DDX27: variants seen among roughly 807,000 people sequenced by gnomAD.
DDX27 encodes DEAD-box helicase 27.
In DDX27, 42 loss-of-function variants were observed where a neutral mutation model predicts 99.3. The ratio of observed to expected loss-of-function variants is 0.42; its 90% CI spans 0.33 to 0.55. The LOEUF is 0.55. DDX27 is among the 20% of genes least tolerant of loss of function. The pLI is 0.07. For missense variants in DDX27, 798 were observed against 976.8 expected (o/e 0.82, Z 2.44); for synonymous variants, 329 against 353.8 (o/e 0.93, Z 0.79).
At chr20:49,229,504 A>G (rs970129988) in intron 8 of DDX27, among the ~76,000 whole-genome samples, 15 of 152,240 alleles carry the variant, frequency 9.9e-5, no homozygotes, top group Middle Eastern at 3.4e-3. Context: ...CGTTTTTCCA[A>G]TGAAGTTATA....
At position 49,230,137 on chromosome 20, in the gene DDX27, G is replaced by A; in HGVS notation, c.881-62G>A. On this transcript the variant is annotated intron_variant, in intron 8 of 20. Transcript: ENST00000618172. ...GCCTGAGGCCTGGTGAGTGGCTGGT[G>A]CTCAGTCAACACCCATGAGCAGCTG... 3.9e-6 allele frequency: 6 copies of A among 1,533,712 alleles called. No individual in the cohort carries two copies. In the South Asian group the frequency reaches 7.5e-5, roughly 19 times the overall value.
In DDX27 at chr20:49,236,497, G is replaced by C. The variant is rs953707943; in HGVS notation, c.1674G>C (p.Arg558Ser). The change falls in exon 14 of 21, where the codon AGG (arginine) becomes AGC (serine). Residue 558 changes from arginine to serine, a missense_variant. By Grantham distance (110) the Arg-to-Ser change is moderately radical. Around this residue, in one of 2 missense-constraint regions of DDX27, gnomAD observed 553 missense variants for 727.9 expected, o/e 0.76. Transcript: ENST00000618172. The surrounding 1 kb of genome is among the most constrained non-coding windows in gnomAD (Gnocchi z 4.1). ...CTGCCAAGGCCCCTGTGAAGGCCAG[G>C]ATACTTCCCCAAGGTGAGCAGGCAC... Reference protein sequence around the residue: ...VKAAKAPVKARILPQDVILKF... With the variant: ...VKAAKAPVKASILPQDVILKF... 1 of 1,595,498 alleles carries C rather than the reference G, an allele frequency of 6.3e-7. No individual in the cohort carries two copies. The highest frequency in any genetic ancestry group is 8.5e-7 in the Non-Finnish European group (1 of 1,171,132).
intron 16 of DDX27, among the ~76,000 whole-genome samples, chr20:49,240,538 C>T (rs1980443799): frequency 6.6e-6 from 1 of 152,168 alleles, no homozygotes; most frequent in South Asian, 2.1e-4. Context: ...CCCCATTCTC[C>T]TGCCTCAGCC....
chr20:49,235,087 C>G lies in DDX27; in HGVS notation c.1426C>G (p.Arg476Gly), dbSNP rs873434. The G allele has an allele frequency of 4.4e-6, 7 of 1,601,152 alleles. No homozygotes were observed. Among genetic ancestry groups the G allele is most frequent in the Non-Finnish European group, 6.0e-6 (7 of 1,173,316 alleles). ...LSQTQRLEALRRFKDEQIDIL... is the reference protein window; with the variant it reads ...LSQTQRLEALGRFKDEQIDIL... Reference sequence around the variant, plus strand: ...ACAGACGCAGCGGCTGGAGGCCCTCCGGTAACATTTGGGGTGGGGACTGAG... The same window carrying G: ...ACAGACGCAGCGGCTGGAGGCCCTCGGGTAACATTTGGGGTGGGGACTGAG... The change falls in exon 12 of 21, where the codon CGG becomes GGG. Residue 476 changes from arginine to glycine, a missense_variant and splice_region_variant. Physicochemically the swap from Arg to Gly is moderately radical, Grantham distance 125 (BLOSUM62 -2). Transcript: ENST00000618172.
At chr20:49,235,424 G>A (rs1251849844) in intron 12 of DDX27, 1 of 218,400 alleles carries the variant, frequency 4.6e-6, no homozygotes, top group Non-Finnish European at 9.0e-6. Context: ...GGGTCTGATT[G>A]AACAAGATTT....
intron 16 of DDX27, among the ~76,000 whole-genome samples, chr20:49,240,219 T>C (rs1002828609): frequency 1.3e-5 from 2 of 152,180 alleles, no homozygotes; most frequent in African/African-American, 4.8e-5. Flanking sequence ...TAAGATTGGG[T>C]AAAATGGCAG....
At chr20:49,228,970 T>C in intron 8 of DDX27, 82 bp downstream of exon 8, 1 of 1,350,246 alleles carries the variant, frequency 7.4e-7, no homozygotes, top group Non-Finnish European at 9.8e-7. Flanking sequence ...TCTGTTGGTG[T>C]TGGTGACAGG....
intron 9 of DDX27, chr20:49,232,794 AG>A (rs1980164515): frequency 2.6e-5 from 4 of 152,342 alleles, no homozygotes; most frequent in Non-Finnish European, 5.5e-5. Context: ...AAAAAAATTA[AG>A]TGGGTGTGGT....
At chr20:49,225,934 GCCT>G (rs1363008810) in intron 6 of DDX27, among the ~76,000 whole-genome samples, 1 of 152,084 alleles carries the variant, frequency 6.6e-6, no homozygotes, top group Non-Finnish European at 1.5e-5. Context: ...GGCCACACTG[GCCT>G]CCTTGCTGGC....
At chr20:49,243,749 TA>T in intron 20 of DDX27, 46 bp downstream of exon 20, 1 of 1,613,672 alleles carries the variant, frequency 6.2e-7, no homozygotes, top group South Asian at 1.1e-5. Context: ...GGATTAGAGA[TA>T]AAAACCTTTC....
intron 18 of DDX27, 91 bp from the exon 19 acceptor site, chr20:49,242,503 C>A: frequency 1.6e-6 from 2 of 1,273,696 alleles, no homozygotes; most frequent in Non-Finnish European, 2.2e-6. Context: ...CCAGAGTATC[C>A]ACTGAACTTG....
intron 1 of DDX27, 127 bp from the exon 2 acceptor site, chr20:49,221,325 T>C: frequency 1.9e-6 from 2 of 1,034,824 alleles, no homozygotes; most frequent in African/African-American, 1.6e-5. Flanking sequence ...ACTCCTGACC[T>C]TGTCTGCGTG....
At chr20:49,234,124 C>T (rs1980223373) in intron 11 of DDX27, 2 of 164,646 alleles carry the variant, frequency 1.2e-5, no homozygotes, top group Middle Eastern at 3.1e-3. Flanking sequence ...ATTTGAACAC[C>T]CTGCGGTGGC....
intron 14 of DDX27, among the ~76,000 whole-genome samples, chr20:49,237,470 T>G (rs1457233503): frequency 6.6e-6 from 1 of 152,254 alleles, no homozygotes; most frequent in Non-Finnish European, 1.5e-5. Context: ...AAATGTCCCT[T>G]TTATTTTTTT....
intron 9 of DDX27, among the ~76,000 whole-genome samples, chr20:49,232,205 T>G (rs1397829773): frequency 6.6e-6 from 1 of 152,146 alleles, no homozygotes; most frequent in African/African-American, 2.4e-5. Flanking sequence ...TTTTTGTATT[T>G]TTTGTGGAGA....
At chr20:49,239,406 C>T in intron 16 of DDX27, 68 bp downstream of exon 16, 16 of 1,188,784 alleles carry the variant, frequency 1.3e-5, no homozygotes, top group Non-Finnish European at 1.9e-5. Context: ...AGTTCCATTT[C>T]CTAGTTCTAT....
Position 49,219,531 on chromosome 20 carries a change from A to G in DDX27, c.83A>G (p.Glu28Gly). The change falls in exon 1 of 21, where the codon GAG (glutamate) becomes GGG (glycine). Residue 28 changes from glutamate (E) to glycine (G), a missense_variant. Glu to Gly is a moderately conservative substitution (Grantham distance 98). This residue lies in a region of DDX27 where 245 missense variants were observed against 248.8 expected (regional missense o/e 0.98). Transcript: ENST00000618172. ...PVEPESDSGD[E>G]EEEGPIVLGR... ...GAGCCCGAGTCTGACTCCGGGGACG[A>G]GGAAGAGGAGGTATGAGCACGGTTC... 6.2e-7 allele frequency: 1 copy of G among 1,613,778 alleles called. No individual in the cohort carries two copies. The highest frequency in any genetic ancestry group is 8.5e-7 in the Non-Finnish European group (1 of 1,179,866).
rs891390259 is a variant in DDX27, at chr20:49,236,484, C to T, written c.1661C>T (p.Pro554Leu). The stretch of plus-strand genomic sequence containing the variant: ...GAGATTGTAAAAGCTGCCAAGGCCC[C>T]TGTGAAGGCCAGGATACTTCCCCAA... Reference protein sequence around the residue: ...LKEIVKAAKAPVKARILPQDV... With the variant: ...LKEIVKAAKALVKARILPQDV... Residue 554 changes from proline (P) to leucine (L), a missense_variant, in exon 14 of 21, where the codon CCT (proline) becomes CTT (leucine). By Grantham distance (98) the Pro-to-Leu change is moderately conservative (BLOSUM62 -3). Transcript: ENST00000618172. The surrounding 1 kb of genome is among the most constrained non-coding windows in gnomAD (Gnocchi z 4.1). The T allele has an allele frequency of 1.2e-6, 2 of 1,605,468 alleles. No homozygotes were observed. The highest frequency in any genetic ancestry group is 2.7e-5 in the African/African-American group (2 of 74,628).
Position 49,236,523 on chromosome 20 carries a change from C to G in DDX27, c.1687+13C>G. ...ATACTTCCCCAAGGTGAGCAGGCACCCCTGTGGCAGTGCAGAATGGCTCGG... is the reference window on the plus strand; with the variant it reads ...ATACTTCCCCAAGGTGAGCAGGCACGCCTGTGGCAGTGCAGAATGGCTCGG... On this transcript the variant is annotated intron_variant, in intron 14 of 20. Coordinates refer to ENST00000618172, the MANE Select transcript of DDX27 (RefSeq NM_017895.8). This position sits in a 1 kb window ranked among gnomAD's most constrained non-coding sequence, Gnocchi z 4.1. The G allele has an allele frequency of 6.4e-7, 1 of 1,560,416 alleles. No individual in the cohort carries two copies. Among genetic ancestry groups the G allele is most frequent in the African/African-American group, 1.4e-5 (1 of 73,292 alleles).
Sources: allele counts gnomAD v4.1 joint callset (sites outside exome capture counted in the v4.1 genomes callset), GRCh38; gene constraint gnomAD v4.1.1; regional missense constraint gnomAD v4.1.1; non-coding constraint Gnocchi (gnomAD v3.1); transcripts MANE v1.5; gene names NCBI Gene and HGNC (gene_info 2026-07-23, HGNC 2026-07-21).